DFFB: variants seen among roughly 807,000 people sequenced by gnomAD.
The protein encoded by DFFB is DNA fragmentation factor 40 kDa subunit.
In DFFB, 29 loss-of-function variants were observed where a neutral mutation model predicts 32.7. That is an observed-to-expected ratio of 0.89 (90% CI 0.66 to 1.21). DFFB has a LOEUF of 1.21. Among genes scored for constraint, DFFB ranks in the 50% most tolerant of loss-of-function variants. The probability of loss-of-function intolerance (pLI) is 0.00; values close to 1 mark genes in which losing one functional copy is unlikely to be tolerated. For missense variants in DFFB, 398 were observed against 440.6 expected (o/e 0.90, Z 0.87); for synonymous variants, 170 against 177.1 (o/e 0.96, Z 0.32).
At chr1:3,861,779 C>T (rs1419905597) in intron 2 of DFFB, among the ~76,000 whole-genome samples, 3 of 152,206 alleles carry the variant, frequency 2.0e-5, no homozygotes, top group African/African-American at 7.2e-5. Context: ...GGGGAGAATG[C>T]CCAGGAGTAC....
rs144923358 is a variant in DFFB at position 3,883,654 on chromosome 1, C to G, written c.930C>G (p.Thr310=). The change falls in exon 7 of 7, where the codon ACC becomes ACG. Residue 310 remains threonine, a synonymous_variant. Transcript: ENST00000378209. ...KLVHIVCHKK[T]THKLNCDPSR... The stretch of plus-strand genomic sequence containing the variant: ...TGCACATTGTCTGCCATAAGAAAAC[C>G]ACCCACAAGCTCAACTGTGACCCAA... The G allele has an allele frequency of 1.2e-6, 2 of 1,614,062 alleles. No homozygotes were observed. The highest frequency in any genetic ancestry group is 1.7e-6 in the Non-Finnish European group (2 of 1,180,034).
chr1:3,871,567 A>G (rs760395711), intron 5 of DFFB, among the ~76,000 whole-genome samples: 4 of 152,190 alleles, frequency 2.6e-5, no homozygotes, highest in Non-Finnish European at 4.4e-5. Flanking sequence ...GATTCCAGGC[A>G]TGAGTCACCA....
chr1:3,857,688 G>A lies in DFFB; in HGVS notation c.85G>A (p.Val29Met). Residue 29 changes from valine (V) to methionine (M), a missense_variant, in exon 1 of 7, where the codon GTG becomes ATG. By Grantham distance (21) the Val-to-Met change is conservative. Coordinates refer to ENST00000378209, the MANE Select transcript of DFFB (RefSeq NM_004402.4). ...FGVAGRSCQE[V>M]LRKGCLRFQL... is the part of the protein sequence containing the mutation. ...CGTGGCTGGCCGGAGCTGCCAGGAGGTGCTGCGCAAGGGCTGTCTCCGCTT... is the reference window on the plus strand; with the variant it reads ...CGTGGCTGGCCGGAGCTGCCAGGAGATGCTGCGCAAGGGCTGTCTCCGCTT... 6.3e-7 allele frequency: 1 copy of A among 1,579,604 alleles called. No homozygotes were observed. Among genetic ancestry groups the A allele is most frequent in the African/African-American group, 1.4e-5 (1 of 73,710 alleles).
chr1:3,869,105 G>A (rs1396703532), intron 4 of DFFB, among the ~76,000 whole-genome samples: 2 of 152,094 alleles, frequency 1.3e-5, no homozygotes, highest in Admixed American at 6.5e-5. Flanking sequence ...TGTTGCTCAG[G>A]CTGGAGTACA....
chr1:3,858,098 T>C (rs1644794625), intron 1 of DFFB, among the ~76,000 whole-genome samples: 1 of 152,222 alleles, frequency 6.6e-6, no homozygotes, highest in Admixed American at 6.5e-5. Flanking sequence ...TGCAGGCCCC[T>C]TCCAGCCCTC....
At position 3,883,668 on chromosome 1, in the gene DFFB, A is replaced by G. The variant is rs1189361725; in HGVS notation, c.944A>G (p.Asn315Ser). The G allele has an allele frequency of 1.2e-6, 2 of 1,614,132 alleles. No individual in the cohort carries two copies. The highest frequency in any genetic ancestry group is 1.7e-5 in the Admixed American group (1 of 60,016). ...CATAAGAAAACCACCCACAAGCTCA[A>G]CTGTGACCCAAGCAGAATCTACAAA... is the stretch of plus-strand genomic sequence containing the variant. Reference protein sequence around the residue: ...VCHKKTTHKLNCDPSRIYKPQ... With the variant: ...VCHKKTTHKLSCDPSRIYKPQ... Residue 315 changes from asparagine to serine, a missense_variant, in exon 7 of 7, where the codon AAC becomes AGC. Coordinates refer to ENST00000378209, the MANE Select transcript of DFFB (RefSeq NM_004402.4).
rs1645076742 is a variant in DFFB, at chr1:3,869,863, C to T, written c.681+88C>T. On this transcript the variant is annotated intron_variant, in intron 5 of 6. Transcript: ENST00000378209. ...GGCGAGGCGGGTGGGGACCTTCAGCCCTTGCCCTGCCTGGGCAAAGCCTTG... is the reference window on the plus strand; with the variant it reads ...GGCGAGGCGGGTGGGGACCTTCAGCTCTTGCCCTGCCTGGGCAAAGCCTTG... 39 of 1,367,926 alleles carry T rather than the reference C, an allele frequency of 2.9e-5. 1 individual carries two copies. In the South Asian group the frequency reaches 5.4e-4, roughly 19 times the overall value. The allele number at this position is 1,367,926 out of a possible 1,614,324, so 84.7% of individuals were successfully genotyped here.
intron 3 of DFFB, 35 bp from the exon 4 acceptor site, chr1:3,867,939 C>G (rs376189053): frequency 6.2e-7 from 1 of 1,609,564 alleles, no homozygotes; most frequent in Non-Finnish European, 8.5e-7. Flanking sequence ...CTGGCCTGCC[C>G]TGTGGACTTG....
In DFFB at chr1:3,883,550, A is replaced by G. The variant is rs751536478; in HGVS notation, c.826A>G (p.Ile276Val). The change falls in exon 7 of 7, where the codon ATT becomes GTT. Residue 276 changes from isoleucine to valine, a missense_variant. Coordinates refer to ENST00000378209, the MANE Select transcript of DFFB (RefSeq NM_004402.4). ...RTIIPTLVEA[I>V]KEQDGREVDW... ...CATCATTCCTACACTGGTGGAAGCAATTAAGGAACAAGATGGAAGAGAAGT... is the reference window on the plus strand; with the variant it reads ...CATCATTCCTACACTGGTGGAAGCAGTTAAGGAACAAGATGGAAGAGAAGT... 5 of 1,614,098 alleles carry G rather than the reference A, an allele frequency of 3.1e-6. No individual in the cohort carries two copies. The highest frequency in any genetic ancestry group is 4.5e-5 in the East Asian group (2 of 44,900).
intron 2 of DFFB, among the ~76,000 whole-genome samples, chr1:3,864,973 G>A (rs982851095): frequency 5.3e-5 from 8 of 152,068 alleles, no homozygotes; most frequent in Non-Finnish European, 8.8e-5. Context: ...AGTTTTGAAA[G>A]TCACGCCTCA....
intron 6 of DFFB, among the ~76,000 whole-genome samples, chr1:3,880,576 G>C (rs894425506): frequency 6.6e-6 from 1 of 152,178 alleles, no homozygotes; most frequent in Non-Finnish European, 1.5e-5. Context: ...TGCCTCTCCT[G>C]CTGGTGGAGC....
intron 2 of DFFB, among the ~76,000 whole-genome samples, chr1:3,860,797 A>G (rs749316890): frequency 1.1e-4 from 17 of 152,080 alleles, no homozygotes; most frequent in Non-Finnish European, 2.4e-4. Context: ...ACCCCTGCCC[A>G]CCAGCAATCC....
intron 5 of DFFB, among the ~76,000 whole-genome samples, chr1:3,872,258 C>T (rs1300791708): frequency 1.3e-5 from 2 of 152,090 alleles, no homozygotes; most frequent in Non-Finnish European, 2.9e-5. Context: ...ACTGAAAATA[C>T]AAAAATTAGC....
At chr1:3,858,955 T>C in intron 2 of DFFB, 111 bp downstream of exon 2, 1 of 1,459,874 alleles carries the variant, frequency 6.8e-7, no homozygotes, top group Non-Finnish European at 9.1e-7. Flanking sequence ...TACTGTGAAC[T>C]CTCGGGTCTC....
rs544817584 is a variant in DFFB, at chr1:3,878,432, G to A, written c.783-5075G>A. On this transcript the variant is annotated intron_variant, in intron 6 of 6. Coordinates refer to ENST00000378209, the MANE Select transcript of DFFB (RefSeq NM_004402.4). ...CTCCCAAAGCGCTGGGGTTACAGGC[G>A]TGAGCCACCACGCTGAGCCCACTCA... is the stretch of plus-strand genomic sequence containing the variant. Among the ~76,000 whole-genome samples, 12 of 152,340 alleles carry A rather than the reference G, an allele frequency of 7.9e-5. 1 individual carries two copies. The South Asian group carries it at 1.9e-3, about 24-fold the overall frequency.
At position 3,857,558 on chromosome 1, in the gene DFFB, C is replaced by A. The variant is rs773280145; in HGVS notation, c.-46C>A. On this transcript the variant is annotated 5_prime_UTR_variant, in exon 1 of 7. Transcript: ENST00000378209. ...AGGACGGATCTGAGCAGCTGGGCAGCAGGTGCCACCGCCTGTGGGACCCAG... is the reference window on the plus strand; with the variant it reads ...AGGACGGATCTGAGCAGCTGGGCAGAAGGTGCCACCGCCTGTGGGACCCAG... The A allele has an allele frequency of 7.2e-7, 1 of 1,392,476 alleles. No individual in the cohort carries two copies. The highest frequency in any genetic ancestry group is 9.7e-7 in the Non-Finnish European group (1 of 1,030,724). 86.3% of individuals were successfully genotyped at this position (1,392,476 alleles called of 1,614,324 possible).
chr1:3,873,548 C>T (rs1191816699), intron 6 of DFFB, among the ~76,000 whole-genome samples: 1 of 150,388 alleles, frequency 6.6e-6, no homozygotes, highest in Non-Finnish European at 1.5e-5. Context: ...GATGTGATCT[C>T]GGCTCACCGC....
chr1:3,871,517 C>T lies in DFFB; in HGVS notation c.682-955C>T, dbSNP rs192123572. Among the ~76,000 whole-genome samples, 28 of 152,284 alleles carry T rather than the reference C, an allele frequency of 1.8e-4. No individual in the cohort carries two copies. The East Asian group carries it at 4.6e-3, about 25-fold the overall frequency. Reference sequence around the variant, plus strand: ...GGCCAGGCTGGTCTGGAACTCCTGACCTCAGGTGATCCACCCACATTGGCC... The same window carrying T: ...GGCCAGGCTGGTCTGGAACTCCTGATCTCAGGTGATCCACCCACATTGGCC... On this transcript the variant is annotated intron_variant, in intron 5 of 6. Transcript: ENST00000378209.
In DFFB at chr1:3,869,658, G is replaced by C. The variant is rs1304980967; in HGVS notation, c.564G>C (p.Arg188=). 1 of 1,613,450 alleles carries C rather than the reference G, an allele frequency of 6.2e-7. No homozygotes were observed. Among genetic ancestry groups the C allele is most frequent in the Admixed American group, 1.7e-5 (1 of 59,976 alleles). ...VGAEAQEEFL[R]VLGSMCQRLR... ...CGGAGGCTCAGGAGGAATTCCTGCG[G>C]GTCCTCGGCTCCATGTGCCAGAGGC... is the stretch of plus-strand genomic sequence containing the variant. The change falls in exon 5 of 7, where the codon CGG becomes CGC. Residue 188 remains arginine (R), a synonymous_variant. Transcript: ENST00000378209.
Sources: allele counts gnomAD v4.1 joint callset (sites outside exome capture counted in the v4.1 genomes callset), GRCh38; gene constraint gnomAD v4.1.1; transcripts MANE v1.5; gene names NCBI Gene and HGNC (gene_info 2026-07-23, HGNC 2026-07-21).